PLCG2: variants seen among roughly 807,000 people sequenced by gnomAD.
PLCG2 encodes 1-phosphatidylinositol 4,5-bisphosphate phosphodiesterase gamma-2.
Under a neutral mutation model 175.6 loss-of-function variants are expected in PLCG2, and 69 were observed. The ratio of observed to expected loss-of-function variants is 0.39; its 90% CI spans 0.32 to 0.48. The LOEUF (loss-of-function observed/expected upper bound fraction) is 0.48. Ranked by LOEUF, PLCG2 falls within the 20% of genes least tolerant of loss-of-function variation. PLCG2 has a pLI of 0.91. For synonymous variants in PLCG2, 827 were observed against 624.0 expected (o/e 1.33, Z -4.85); for missense variants, 1,798 against 1,650.9 (o/e 1.09, Z -1.54).
chr16:81,933,069 C>T (rs1268415951), intron 25 of PLCG2, among the ~76,000 whole-genome samples: 1 of 152,224 alleles, frequency 6.6e-6, no homozygotes, highest in Non-Finnish European at 1.5e-5. Flanking sequence ...CTGTCTCTCC[C>T]CTGCCTCACA....
intron 19 of PLCG2, among the ~76,000 whole-genome samples, chr16:81,916,236 G>A (rs918655744): frequency 3.3e-5 from 5 of 149,560 alleles, no homozygotes; most frequent in Non-Finnish European, 5.9e-5. Context: ...ACTTTTTGAC[G>A]AAATCGCTTA....
chr16:81,745,141 G>A (rs576523704), intron 1 of PLCG2, among the ~76,000 whole-genome samples: 1 of 152,210 alleles, frequency 6.6e-6, no homozygotes, highest in Non-Finnish European at 1.5e-5. Flanking sequence ...GGTCACTGCA[G>A]GGCTGAACTA....
chr16:81,786,339 T>C (rs1910970594), intron 2 of PLCG2, among the ~76,000 whole-genome samples, 157 bp downstream of exon 2: 1 of 152,204 alleles, frequency 6.6e-6, no homozygotes, highest in Admixed American at 6.5e-5. Flanking sequence ...TGTGTGGATC[T>C]CTGATGAGGT....
chr16:81,858,113 G>A, intron 3 of PLCG2, 150 bp from the exon 4 acceptor site: 1 of 651,484 alleles, frequency 1.5e-6, no homozygotes, highest in Admixed American at 2.2e-5. Context: ...GGCCATGACG[G>A]TGTGAAAGGG....
At chr16:81,895,637 CACAGGGAACCCTGCGGAT>C in intron 12 of PLCG2, 152 bp from the exon 13 acceptor site, 1 of 646,018 alleles carries the variant, frequency 1.5e-6, no homozygotes, top group Non-Finnish European at 2.7e-6. Context: ...TATGTAAGCG[CACAGGGAACCCTGCGGAT>C]ACAGGGAAAG....
chr16:81,773,150 G>T (rs1323644253), intron 2 of PLCG2, among the ~76,000 whole-genome samples: 1 of 152,094 alleles, frequency 6.6e-6, no homozygotes, highest in Middle Eastern at 3.2e-3. Flanking sequence ...GAGACAGAGG[G>T]AAAGCATGCT....
chr16:81,868,860 A>C (rs117640739), intron 5 of PLCG2, among the ~76,000 whole-genome samples: 1 of 151,942 alleles, frequency 6.6e-6, no homozygotes, highest in Non-Finnish European at 1.5e-5. Context: ...TATACTGGGG[A>C]TCTCCAGTGT....
intron 24 of PLCG2, among the ~76,000 whole-genome samples, chr16:81,930,812 CAT>C (rs1346396224): frequency 3.4e-5 from 5 of 148,832 alleles, no homozygotes; most frequent in Non-Finnish European, 7.4e-5. Flanking sequence ...TATGTAACAA[CAT>C]AGAAAATTAT....
At chr16:81,769,743 C>T (rs1910234196) in intron 2 of PLCG2, among the ~76,000 whole-genome samples, 2 of 146,024 alleles carry the variant, frequency 1.4e-5, no homozygotes, top group Admixed American at 1.4e-4. Flanking sequence ...TGGCGTGAAC[C>T]CGGGAGGCGG....
chr16:81,837,406 C>T (rs963611577), intron 2 of PLCG2, among the ~76,000 whole-genome samples: 1 of 152,204 alleles, frequency 6.6e-6, no homozygotes, highest in Non-Finnish European at 1.5e-5. Flanking sequence ...GTTTCAGTGC[C>T]CAGCTTATCA....
At chr16:81,934,559 A>G (rs188732593) in intron 26 of PLCG2, 28 bp downstream of exon 26, 341 of 1,299,468 alleles carry the variant, frequency 2.6e-4, no homozygotes, top group East Asian at 5.1e-4. Context: ...AACATGCCCT[A>G]TAACTCCAAT....
At position 81,811,037 on chromosome 16, in the gene PLCG2, C is replaced by T. The variant is rs572334635; in HGVS notation, c.193+24855C>T. 2.6e-5 allele frequency among the ~76,000 whole-genome samples: 4 copies of T among 152,292 alleles called. No homozygotes were observed. In the South Asian group the frequency reaches 8.3e-4, roughly 32 times the overall value. ...GTGGCTGTGCTTTGTGGTCTAAGGC[C>T]ACATTTAACCTGTGTACCAGAGGGA... On this transcript the variant is annotated intron_variant, in intron 2 of 32. Transcript: ENST00000564138.
At chr16:81,948,729 A>T (rs1911250589) in intron 31 of PLCG2, among the ~76,000 whole-genome samples, 1 of 152,210 alleles carries the variant, frequency 6.6e-6, no homozygotes, top group African/African-American at 2.4e-5. Flanking sequence ...ATGCCTCATC[A>T]GCTAAAGTTG....
chr16:81,885,212 C>T (rs561196328), intron 9 of PLCG2, among the ~76,000 whole-genome samples: 35 of 152,132 alleles, frequency 2.3e-4, no homozygotes, highest in South Asian at 4.2e-4. Flanking sequence ...TTAATAGAGT[C>T]GGGGTTTCAC....
At chr16:81,829,142 T>G (rs928786253) in intron 2 of PLCG2, among the ~76,000 whole-genome samples, 1 of 152,192 alleles carries the variant, frequency 6.6e-6, no homozygotes, top group Admixed American at 6.5e-5. Context: ...GGAGTCTGGC[T>G]CTGTCACCCA....
chr16:81,957,119 A>C (rs1911605534), intron 32 of PLCG2, among the ~76,000 whole-genome samples: 1 of 152,084 alleles, frequency 6.6e-6, no homozygotes, highest in Non-Finnish European at 1.5e-5. Flanking sequence ...CCCAACATGG[A>C]GAAACCCTGT....
chr16:81,923,074 G>A (rs144670927), intron 21 of PLCG2, among the ~76,000 whole-genome samples: 4 of 152,088 alleles, frequency 2.6e-5, no homozygotes, highest in African/African-American at 7.2e-5. Context: ...GCTGAGCACC[G>A]GCACTGTGAT....
At chr16:81,839,117 A>C (rs1046080222) in intron 2 of PLCG2, among the ~76,000 whole-genome samples, 1 of 152,296 alleles carries the variant, frequency 6.6e-6, no homozygotes, top group Non-Finnish European at 1.5e-5. Context: ...TGCAGTTCCT[A>C]TTGTATATGG....
At chr16:81,792,693 A>G (rs376610995) in intron 2 of PLCG2, among the ~76,000 whole-genome samples, 2 of 151,954 alleles carry the variant, frequency 1.3e-5, no homozygotes, top group East Asian at 3.9e-4. Context: ...GTGAAGGGGG[A>G]AGCCTCTTGT....
Sources: allele counts gnomAD v4.1 joint callset (sites outside exome capture counted in the v4.1 genomes callset), GRCh38; gene constraint gnomAD v4.1.1; transcripts MANE v1.5; gene names NCBI Gene and HGNC (gene_info 2026-07-23, HGNC 2026-07-21).